Variants in TRPS1 observed in about 807,000 individuals in gnomAD.
TRPS1 encodes the protein zinc finger transcription factor Trps1.
Under a neutral mutation model 101.2 loss-of-function variants are expected in TRPS1, and 6 were observed. That is an observed-to-expected ratio of 0.06 (90% CI 0.03 to 0.12). The LOEUF (loss-of-function observed/expected upper bound fraction) is 0.12. Among genes scored for constraint, TRPS1 ranks in the 10% least tolerant of loss-of-function variants. The pLI is 1.00. For missense variants in TRPS1, 1,363 were observed against 1,567.0 expected (o/e 0.87, Z 2.20); for synonymous variants, 578 against 589.8 (o/e 0.98, Z 0.29).
chr8:115,605,077 G>T, intron 3 of TRPS1, 75 bp from the exon 4 acceptor site: 1 of 1,404,764 alleles, frequency 7.1e-7, no homozygotes, highest in Non-Finnish European at 1.0e-6. Flanking sequence ...GGAGGGGGAG[G>T]GTACTGCCAA....
At chr8:115,505,136 A>T (rs1815410677) in intron 5 of TRPS1, among the ~76,000 whole-genome samples, 2 of 152,142 alleles carry the variant, frequency 1.3e-5, no homozygotes, top group South Asian at 4.1e-4. Context: ...TGTTGTCATT[A>T]TCAATTAGGA....
At chr8:115,621,800 C>A (rs915197019) in intron 2 of TRPS1, among the ~76,000 whole-genome samples, 1 of 151,846 alleles carries the variant, frequency 6.6e-6, no homozygotes, top group East Asian at 1.9e-4. Context: ...CCTGTAATCC[C>A]AGCTACTAGG....
intron 5 of TRPS1, among the ~76,000 whole-genome samples, chr8:115,550,129 A>G (rs1816669413): frequency 6.6e-6 from 1 of 152,168 alleles, no homozygotes; most frequent in Non-Finnish European, 1.5e-5. Flanking sequence ...CGACAGTAGA[A>G]TTGCTTAACC....
intron 5 of TRPS1, among the ~76,000 whole-genome samples, chr8:115,451,853 G>A (rs1813881328): frequency 6.6e-6 from 1 of 152,112 alleles, no homozygotes; most frequent in African/African-American, 2.4e-5. Context: ...TTGAAAGAAA[G>A]GCCCATTCTC....
intron 1 of TRPS1, among the ~76,000 whole-genome samples, chr8:115,625,478 G>A (rs145579653): frequency 2.6e-5 from 4 of 151,894 alleles, no homozygotes; most frequent in African/African-American, 4.8e-5. Context: ...AACCACCGGC[G>A]CCAAGGGTGG....
At chr8:115,571,873 T>G (rs1453756378) in intron 5 of TRPS1, among the ~76,000 whole-genome samples, 1 of 152,052 alleles carries the variant, frequency 6.6e-6, no homozygotes, top group Non-Finnish European at 1.5e-5. Flanking sequence ...ATTTTTTTCT[T>G]TGATAATATG....
chr8:115,637,253 A>T lies in TRPS1; in HGVS notation c.-121-13495T>A, dbSNP rs916836104. The T allele has an allele frequency of 4.1e-6, 4 of 985,346 alleles. No homozygotes were observed. The African/African-American group carries it at 5.2e-5, about 13-fold the overall frequency. 61.0% of individuals were successfully genotyped at this position (985,346 alleles called of 1,614,324 possible). A position where few individuals can be genotyped will look rare whatever the true frequency, so the allele number is the denominator to read the frequency against. On this transcript the variant is annotated intron_variant, in intron 1 of 6. Transcript: ENST00000395715. Reference sequence around the variant, plus strand: ...GCTCACATGGAAGACGTGGTTGCCAAGGTTAATAAGACAGAATCTTGAATC... The same window carrying T: ...GCTCACATGGAAGACGTGGTTGCCATGGTTAATAAGACAGAATCTTGAATC...
chr8:115,575,186 G>C (rs1357097642), intron 5 of TRPS1, among the ~76,000 whole-genome samples: 1 of 151,966 alleles, frequency 6.6e-6, no homozygotes, highest in African/African-American at 2.4e-5. Flanking sequence ...ATTGATAATA[G>C]CAAAAAATAG....
chr8:115,432,471 C>G (rs1013206566), intron 5 of TRPS1, among the ~76,000 whole-genome samples: 1 of 151,736 alleles, frequency 6.6e-6, no homozygotes, highest in African/African-American at 2.4e-5. Flanking sequence ...TGTGTGAATA[C>G]AGACATATAA....
intron 2 of TRPS1, 150 bp downstream of exon 2, chr8:115,623,451 C>A: frequency 1.3e-6 from 1 of 749,888 alleles, no homozygotes; most frequent in Non-Finnish European, 2.1e-6. Context: ...GTGGAAGAAA[C>A]TCCCCTAGCG....
intron 5 of TRPS1, among the ~76,000 whole-genome samples, chr8:115,586,561 A>G (rs1817564612): frequency 6.6e-6 from 1 of 152,200 alleles, no homozygotes; most frequent in African/African-American, 2.4e-5. Flanking sequence ...ACATCTCATC[A>G]AGGACATTAC....
chr8:115,534,348 T>C (rs1317877255), intron 5 of TRPS1, among the ~76,000 whole-genome samples: 1 of 149,762 alleles, frequency 6.7e-6, no homozygotes, highest in African/African-American at 2.5e-5. Flanking sequence ...ATTGAAGCTC[T>C]AACCCCGATA....
At chr8:115,657,428 T>A (rs539171777) in intron 1 of TRPS1, among the ~76,000 whole-genome samples, 2 of 152,102 alleles carry the variant, frequency 1.3e-5, no homozygotes, top group South Asian at 4.1e-4. Context: ...GCTCAACTCA[T>A]AAATACGTTA....
chr8:115,456,016 C>G (rs190920739), intron 5 of TRPS1, among the ~76,000 whole-genome samples: 1 of 152,090 alleles, frequency 6.6e-6, no homozygotes, highest in East Asian at 1.9e-4. Flanking sequence ...GATCTCCTGA[C>G]CTCATGATCC....
intron 5 of TRPS1, among the ~76,000 whole-genome samples, 190 bp downstream of exon 5, chr8:115,586,811 T>G (rs1294436599): frequency 2.0e-5 from 3 of 152,220 alleles, no homozygotes; most frequent in African/African-American, 7.2e-5. Context: ...CTGTATCAAG[T>G]AAGTGCACAG....
chr8:115,592,292 C>T (rs10505259), intron 4 of TRPS1, among the ~76,000 whole-genome samples: 11,325 of 152,102 alleles, frequency 0.074, 1,475 homozygotes, highest in African/African-American at 0.26. Context: ...GACCAGTACC[C>T]ATAAACTGTA....
At chr8:115,607,044 C>T (rs192714913) in intron 3 of TRPS1, among the ~76,000 whole-genome samples, 2 of 152,126 alleles carry the variant, frequency 1.3e-5, no homozygotes, top group African/African-American at 2.4e-5. Flanking sequence ...TGAACTTCTG[C>T]TTGTTGACCC....
Position 115,450,227 on chromosome 8 carries a change from T to C in TRPS1, c.2701-31775A>G, listed in dbSNP as rs141837965. The stretch of plus-strand genomic sequence containing the variant: ...GAAATTTATTTCTTGCACCCACCTA[T>C]GCAGCCTGGGAAACATCTGTTCTGA... On this transcript the variant is annotated intron_variant, in intron 5 of 6. Transcript: ENST00000395715. 1.1e-3 allele frequency among the ~76,000 whole-genome samples: 163 copies of C among 152,298 alleles called. No homozygotes were observed. The East Asian group carries it at 0.019, about 18-fold the overall frequency.
chr8:115,663,220 C>T (rs1811846085), intron 1 of TRPS1, among the ~76,000 whole-genome samples: 1 of 150,794 alleles, frequency 6.6e-6, no homozygotes, highest in Admixed American at 6.6e-5. Flanking sequence ...GCCTTTCTTC[C>T]TCAGGCCACA....
Sources: gnomAD v4.1 joint callset for allele counts (sites outside exome capture counted in the v4.1 genomes callset) on GRCh38, gnomAD v4.1.1 for gene constraint, MANE v1.5 for transcripts, NCBI Gene and HGNC (gene_info 2026-07-23, HGNC 2026-07-21) for gene names.